Variants in ZPLD1 observed in about 807,000 individuals in gnomAD.
ZPLD1 encodes the protein zona pellucida-like domain-containing protein 1.
ZPLD1 carries 34 observed loss-of-function variants against 47.2 expected under a neutral mutation model. The observed-to-expected ratio is 0.72, with a 90% CI of 0.55 to 0.96. ZPLD1 has a LOEUF of 0.96. Ranked by LOEUF, ZPLD1 falls within the 40% of genes least tolerant of loss-of-function variation. The pLI, the probability that ZPLD1 is intolerant of heterozygous loss-of-function variation, is 0.00. For missense variants in ZPLD1, 512 were observed against 505.8 expected, an observed-to-expected ratio of 1.01 and a Z score of -0.12; for synonymous variants, 176 against 186.2, an observed-to-expected ratio of 0.95 and a Z score of 0.45.
intron 8 of ZPLD1, among the ~76,000 whole-genome samples, chr3:102,426,290 G>A: frequency 6.6e-6 from 1 of 152,128 alleles, no homozygotes; most frequent in East Asian, 1.9e-4. Flanking sequence ...GGCTGAGGCA[G>A]GTAGTTCGCC....
At chr3:102,441,966 A>G (rs2095487213) in intron 3 of ZPLD1, among the ~76,000 whole-genome samples, 1 of 152,124 alleles carries the variant, frequency 6.6e-6, no homozygotes, top group South Asian at 2.1e-4. Flanking sequence ...CTCCTACCCT[A>G]AGCGCAGAAA....
chr3:102,403,244 A>G (rs189683286), intron 7 of ZPLD1, among the ~76,000 whole-genome samples: 17 of 151,854 alleles, frequency 1.1e-4, no homozygotes, highest in South Asian at 4.2e-4. Context: ...GAGAGAGAGA[A>G]AAAAAAATTC....
At chr3:102,444,145 A>G (rs1261858572) in intron 3 of ZPLD1, among the ~76,000 whole-genome samples, 1 of 152,204 alleles carries the variant, frequency 6.6e-6, no homozygotes, top group African/African-American at 2.4e-5. Flanking sequence ...TTTTGTTTTT[A>G]TAAATAAAAC....
intron 8 of ZPLD1, among the ~76,000 whole-genome samples, chr3:102,420,906 T>C (rs911969119): frequency 1.3e-5 from 2 of 151,996 alleles, no homozygotes; most frequent in African/African-American, 2.4e-5. Context: ...TATACTAATA[T>C]AATAATTTTG....
chr3:102,466,456 G>C (rs557092310), intron 8 of ZPLD1, among the ~76,000 whole-genome samples: 1 of 152,172 alleles, frequency 6.6e-6, no homozygotes, highest in African/African-American at 2.4e-5. Context: ...AAAATTTAAA[G>C]GTGAATTAAA....
intron 6 of ZPLD1, among the ~76,000 whole-genome samples, chr3:102,458,423 C>T (rs1043157080): frequency 2.6e-5 from 4 of 152,098 alleles, no homozygotes; most frequent in Non-Finnish European, 4.4e-5. Flanking sequence ...TCTATTTATA[C>T]CTCTGACATT....
chr3:102,402,740 G>A (rs1706635989), intron 7 of ZPLD1, among the ~76,000 whole-genome samples: 1 of 151,916 alleles, frequency 6.6e-6, no homozygotes, highest in Admixed American at 6.6e-5. Flanking sequence ...AAACCCAGAG[G>A]TTAGAAAATG....
chr3:102,409,677 A>C (rs566665181), intron 7 of ZPLD1, among the ~76,000 whole-genome samples: 1 of 151,972 alleles, frequency 6.6e-6, no homozygotes, highest in African/African-American at 2.4e-5. Flanking sequence ...AAAATTCCTT[A>C]GGATGAATAT....
At chr3:102,390,342 A>G (rs1706481545) in intron 6 of ZPLD1, among the ~76,000 whole-genome samples, 1 of 152,234 alleles carries the variant, frequency 6.6e-6, no homozygotes, top group Admixed American at 6.5e-5. Flanking sequence ...CTGTCTTAGT[A>G]CCACCATACT....
intron 3 of ZPLD1, among the ~76,000 whole-genome samples, chr3:102,452,111 G>A (rs943476676): frequency 1.7e-5 from 2 of 117,682 alleles, no homozygotes; most frequent in African/African-American, 7.6e-5. Flanking sequence ...GAGATATGAA[G>A]ACCGTGTGTG....
rs192728609 is a variant in ZPLD1, at chr3:102,415,812, A to C, written c.-156-2248A>C. Among the ~76,000 whole-genome samples the C allele has an allele frequency of 2.1e-3, 325 of 151,970 alleles. 3 individuals carry two copies. Among genetic ancestry groups the C allele is most frequent in the Non-Finnish European group, 7.4e-4 (50 of 67,856 alleles). On this transcript the variant is annotated intron_variant, in intron 7 of 17. Coordinates refer to the ZPLD1 transcript ENST00000491959. ...TTGAGAGTTTAGTTATATGACTTTT[A>C]AAGGATGACAGGAATGAACCATTTA...
Position 102,463,824 on chromosome 3 carries a change from G to A in ZPLD1, c.681-347G>A, listed in dbSNP as rs547399267. On this transcript the variant is annotated intron_variant, in intron 7 of 11. Transcript: ENST00000466937. ...GGAGGCCGAGGAGGGTGGATCACGA[G>A]GTCAAGAGATTGAGACCATCCTGGT... is the stretch of plus-strand genomic sequence containing the variant. 8.6e-5 allele frequency among the ~76,000 whole-genome samples: 13 copies of A among 150,858 alleles called. No individual in the cohort carries two copies. In the East Asian group the frequency reaches 2.1e-3, roughly 25 times the overall value.
intron 7 of ZPLD1, among the ~76,000 whole-genome samples, chr3:102,392,721 G>A (rs1706511357): frequency 6.6e-6 from 1 of 152,054 alleles, no homozygotes; most frequent in Non-Finnish European, 1.5e-5. Context: ...ACCTGTTAAA[G>A]GTCCCACCTC....
intron 7 of ZPLD1, among the ~76,000 whole-genome samples, chr3:102,402,993 T>G (rs1411589762): frequency 6.6e-6 from 1 of 151,960 alleles, no homozygotes; most frequent in East Asian, 1.9e-4. Flanking sequence ...TGCTTCAAAA[T>G]GTATCAATAT....
chr3:102,438,599 T>TGTAAGCCTA lies in ZPLD1; in HGVS notation c.106+7_106+15dup, dbSNP rs1707127330. 1 of 1,600,106 alleles carries TGTAAGCCTA rather than the reference T, an allele frequency of 6.2e-7. No individual in the cohort carries two copies. On this transcript the variant is annotated splice_region_variant and intron_variant, in intron 3 of 11. Coordinates refer to ENST00000466937, the MANE Select transcript of ZPLD1 (RefSeq NM_001329788.2). ...CCTCCACAGTAGATTTCCTGGTAAG[T>TGTAAGCCTA]GTAAGCCTAATCTATTCTCTAGTTG... is the stretch of plus-strand genomic sequence containing the variant.
At chr3:102,417,231 G>T (rs1165637300) in intron 7 of ZPLD1, among the ~76,000 whole-genome samples, 1 of 151,882 alleles carries the variant, frequency 6.6e-6, no homozygotes, top group Non-Finnish European at 1.5e-5. Context: ...AATGGCAGAC[G>T]GAGTAATATA....
At chr3:102,425,962 G>A (rs1706940670) in intron 8 of ZPLD1, among the ~76,000 whole-genome samples, 1 of 151,302 alleles carries the variant, frequency 6.6e-6, no homozygotes, top group Non-Finnish European at 1.5e-5. Flanking sequence ...TTTACAGATA[G>A]CAAGGGAGGT....
chr3:102,392,796 G>A (rs771143302), intron 7 of ZPLD1, among the ~76,000 whole-genome samples: 6 of 152,182 alleles, frequency 3.9e-5, no homozygotes, highest in Admixed American at 1.3e-4. Context: ...TATTCAAACC[G>A]TAGCAACCAA....
chr3:102,467,661 A>G (rs950365726), intron 8 of ZPLD1, among the ~76,000 whole-genome samples: 1 of 152,124 alleles, frequency 6.6e-6, no homozygotes, highest in Non-Finnish European at 1.5e-5. Flanking sequence ...TCAATATACC[A>G]TAATAAAACC....
Sources: allele counts gnomAD v4.1 joint callset (sites outside exome capture counted in the v4.1 genomes callset), GRCh38; gene constraint gnomAD v4.1.1; transcripts MANE v1.5; gene names NCBI Gene and HGNC (gene_info 2026-07-23, HGNC 2026-07-21).